RFTN2: variants seen among roughly 807,000 people sequenced by gnomAD.
The protein encoded by RFTN2 is raftlin-2.
RFTN2 carries 34 observed loss-of-function variants against 52.7 expected under a neutral mutation model. The ratio of observed to expected loss-of-function variants is 0.64; its 90% CI spans 0.49 to 0.86. The LOEUF is 0.86. RFTN2 is among the 40% of genes least tolerant of loss of function. The pLI, the probability that RFTN2 is intolerant of heterozygous loss-of-function variation, is 0.00. For missense variants in RFTN2, 536 were observed against 600.1 expected (o/e 0.89, Z 1.12); for synonymous variants, 203 against 217.7 (o/e 0.93, Z 0.59).
At chr2:197,574,687 G>A (rs2087383172) in intron 8 of RFTN2, among the ~76,000 whole-genome samples, 1 of 152,098 alleles carries the variant, frequency 6.6e-6, no homozygotes, top group South Asian at 2.1e-4. Flanking sequence ...GACCAACATG[G>A]TGAAACCTCA....
chr2:197,604,803 C>T (rs917541244), intron 7 of RFTN2, among the ~76,000 whole-genome samples: 1 of 152,106 alleles, frequency 6.6e-6, no homozygotes, highest in African/African-American at 2.4e-5. Flanking sequence ...CTCTGTTGCC[C>T]AGGCTGGAGT....
intron 8 of RFTN2, among the ~76,000 whole-genome samples, chr2:197,590,116 G>C (rs369276796): frequency 2.6e-5 from 4 of 151,090 alleles, no homozygotes; most frequent in Non-Finnish European, 4.4e-5. Context: ...GAGCTGACCA[G>C]CTGGTCTCAC....
chr2:197,569,461 C>T lies in RFTN2; in HGVS notation c.*2547G>A, dbSNP rs986536524. 1 of 152,044 alleles carries T rather than the reference C, an allele frequency of 6.6e-6. No homozygotes were observed. Among genetic ancestry groups the T allele is most frequent in the Admixed American group, 6.5e-5 (1 of 15,272 alleles). The allele number at this position is 152,044 out of a possible 1,614,324, so 9.4% of individuals were successfully genotyped here. On this transcript the variant is annotated 3_prime_UTR_variant, in exon 9 of 9. Transcript: ENST00000295049. ...TGATCATAAATTATTCGCTATCATA[C>T]AAATTCATCACATAACTTAAGGGTA...
chr2:197,598,236 C>T (rs2087822444), intron 7 of RFTN2, among the ~76,000 whole-genome samples: 2 of 152,226 alleles, frequency 1.3e-5, no homozygotes, highest in Admixed American at 6.5e-5. Flanking sequence ...AGGAGGATCA[C>T]TTGAGCCCAG....
intron 1 of RFTN2, among the ~76,000 whole-genome samples, chr2:197,659,934 T>C (rs540391405): frequency 8.5e-5 from 13 of 152,198 alleles, no homozygotes; most frequent in Non-Finnish European, 1.8e-4. Flanking sequence ...ACATAACAAG[T>C]GCATATTTTG....
chr2:197,595,863 C>A, intron 8 of RFTN2, 128 bp downstream of exon 8: 1 of 582,908 alleles, frequency 1.7e-6, no homozygotes, highest in Non-Finnish European at 3.0e-6. Context: ...GCACATTTCC[C>A]TTATAGGTTG....
At chr2:197,617,943 T>C in intron 5 of RFTN2, 22 bp from the exon 6 acceptor site, 1 of 1,575,914 alleles carries the variant, frequency 6.3e-7, no homozygotes, top group South Asian at 1.1e-5. Context: ...AGGGTACAAT[T>C]AAGAAGGGTT....
chr2:197,647,117 C>G (rs904113032), intron 1 of RFTN2, among the ~76,000 whole-genome samples: 25 of 152,070 alleles, frequency 1.6e-4, no homozygotes, highest in African/African-American at 6.0e-4. Context: ...ATTTGAGTGA[C>G]TATATTTCCA....
intron 1 of RFTN2, among the ~76,000 whole-genome samples, chr2:197,674,787 C>T (rs2106281008): frequency 6.6e-6 from 1 of 151,056 alleles, no homozygotes; most frequent in South Asian, 2.1e-4. Context: ...TTACAGAAGG[C>T]TATCTTTTTT....
At chr2:197,646,836 G>T (rs1176698421) in intron 1 of RFTN2, among the ~76,000 whole-genome samples, 170 bp from the exon 2 acceptor site, 1 of 126,162 alleles carries the variant, frequency 7.9e-6, no homozygotes, top group East Asian at 2.7e-4. Flanking sequence ...GATTGTTTGA[G>T]CCCAGGAGTT....
chr2:197,609,781 A>G (rs2088026056), intron 7 of RFTN2, among the ~76,000 whole-genome samples: 2 of 152,024 alleles, frequency 1.3e-5, no homozygotes, highest in African/African-American at 2.4e-5. Flanking sequence ...ATCCATCTTG[A>G]GTTAATTTTT....
intron 7 of RFTN2, among the ~76,000 whole-genome samples, chr2:197,606,807 A>G (rs1454768359): frequency 4.0e-5 from 6 of 150,360 alleles, no homozygotes; most frequent in Admixed American, 6.6e-5. Flanking sequence ...TTAGAATGGC[A>G]ATCATTAAAA....
chr2:197,589,236 A>G (rs2087656321), intron 8 of RFTN2, among the ~76,000 whole-genome samples: 1 of 140,368 alleles, frequency 7.1e-6, no homozygotes, highest in Non-Finnish European at 1.5e-5. Context: ...AAAAAAAAAA[A>G]AAAAAAAAAA....
intron 3 of RFTN2, among the ~76,000 whole-genome samples, chr2:197,640,319 C>T (rs1321435248): frequency 6.6e-5 from 10 of 152,086 alleles, no homozygotes; most frequent in South Asian, 6.2e-4. Flanking sequence ...CAATGGCGGG[C>T]GCCCCTCCCC....
At chr2:197,619,376 CTT>C (rs1185660823) in intron 5 of RFTN2, among the ~76,000 whole-genome samples, 2 of 152,136 alleles carry the variant, frequency 1.3e-5, no homozygotes, top group African/African-American at 2.4e-5. Context: ...ACATGGGAGA[CTT>C]TTCATTTTGT....
At chr2:197,577,909 A>G (rs2087445177) in intron 8 of RFTN2, among the ~76,000 whole-genome samples, 1 of 151,968 alleles carries the variant, frequency 6.6e-6, no homozygotes, top group Non-Finnish European at 1.5e-5. Flanking sequence ...TAGAGATGGG[A>G]TTTTGCCATG....
chr2:197,672,470 A>G (rs1030071466), intron 1 of RFTN2, among the ~76,000 whole-genome samples: 1 of 152,210 alleles, frequency 6.6e-6, no homozygotes, highest in African/African-American at 2.4e-5. Flanking sequence ...AATGACCTCA[A>G]TAGGTTGGTC....
At chr2:197,634,874 T>A (rs146772473) in intron 3 of RFTN2, among the ~76,000 whole-genome samples, 2,368 of 149,650 alleles carry the variant, frequency 0.016, 64 homozygotes, top group African/African-American at 0.055. Flanking sequence ...CTCCCAATGC[T>A]ATAGCTCCCC....
intron 1 of RFTN2, among the ~76,000 whole-genome samples, chr2:197,654,904 T>G (rs55656916): frequency 6.6e-6 from 1 of 151,824 alleles, no homozygotes; most frequent in African/African-American, 2.4e-5. Context: ...GGCTGAGATA[T>G]GAGAATTGCT....
Sources: gnomAD v4.1 joint callset for allele counts (sites outside exome capture counted in the v4.1 genomes callset) on GRCh38, gnomAD v4.1.1 for gene constraint, MANE v1.5 for transcripts, NCBI Gene and HGNC (gene_info 2026-07-23, HGNC 2026-07-21) for gene names.